The following MYO16 variants were observed in gnomAD, a reference collection of about 807,000 sequenced individuals.
MYO16 encodes unconventional myosin-XVI.
A neutral mutation model predicts 205.3 loss-of-function variants in MYO16; 94 were observed. That is an observed-to-expected ratio of 0.46 (90% CI 0.39 to 0.54). The LOEUF (loss-of-function observed/expected upper bound fraction) is 0.54, where lower values mean the gene tolerates loss of function less well. Among genes scored for constraint, MYO16 ranks in the 20% least tolerant of loss-of-function variants. The pLI is 0.00. For synonymous variants in MYO16, 988 were observed against 954.0 expected (o/e 1.04, Z -0.66); for missense variants, 2,315 against 2,387.5 (o/e 0.97, Z 0.63).
At chr13:108,749,749 A>G (rs1253065382) in intron 4 of MYO16, among the ~76,000 whole-genome samples, 2 of 152,222 alleles carry the variant, frequency 1.3e-5, no homozygotes, top group Non-Finnish European at 1.5e-5. Context: ...TAGTCTTACA[A>G]TACAACCCAG....
At chr13:109,197,876 A>AT (rs1880225109) in intron 34 of MYO16, among the ~76,000 whole-genome samples, 1 of 152,198 alleles carries the variant, frequency 6.6e-6, no homozygotes, top group African/African-American at 2.4e-5. Context: ...TAGGCATGAG[A>AT]TTTTGTTTAG....
intron 27 of MYO16, among the ~76,000 whole-genome samples, chr13:109,068,476 C>G (rs1378750292): frequency 6.6e-6 from 1 of 150,858 alleles, no homozygotes; most frequent in African/African-American, 2.4e-5. Context: ...TAATAATGGG[C>G]ATGGCTATAC....
chr13:108,886,014 G>C (rs1007884292), intron 13 of MYO16, among the ~76,000 whole-genome samples: 3 of 151,778 alleles, frequency 2.0e-5, no homozygotes, highest in African/African-American at 7.3e-5. Flanking sequence ...GGAGTCTTGA[G>C]TCTCGCTCTG....
intron 23 of MYO16, among the ~76,000 whole-genome samples, chr13:109,039,154 A>G (rs1292486279): frequency 2.6e-5 from 4 of 152,216 alleles, no homozygotes; most frequent in Admixed American, 2.6e-4. Context: ...GAGGCTGGGT[A>G]GGGACCTAGA....
chr13:109,061,484 T>C (rs1887591704), intron 27 of MYO16, among the ~76,000 whole-genome samples: 1 of 152,152 alleles, frequency 6.6e-6, no homozygotes, highest in Non-Finnish European at 1.5e-5. Context: ...TATTAATTAG[T>C]CTGATTTTAA....
At chr13:108,873,521 C>G (rs1417458228) in intron 12 of MYO16, among the ~76,000 whole-genome samples, 1 of 152,384 alleles carries the variant, frequency 6.6e-6, no homozygotes, top group East Asian at 1.9e-4. Context: ...CAGTGCTGAT[C>G]TGACACTAAC....
At chr13:108,981,608 C>T (rs1884449790) in intron 20 of MYO16, among the ~76,000 whole-genome samples, 1 of 152,228 alleles carries the variant, frequency 6.6e-6, no homozygotes, top group African/African-American at 2.4e-5. Context: ...GAAGATGAGA[C>T]AGACACTCGT....
At chr13:109,048,507 A>G (rs1487179877) in intron 24 of MYO16, 7 of 480,622 alleles carry the variant, frequency 1.5e-5, no homozygotes, top group Admixed American at 3.5e-5. Flanking sequence ...ATAATGTGAA[A>G]AACAGCTGTA....
chr13:108,795,795 A>G (rs1209211818), intron 6 of MYO16, among the ~76,000 whole-genome samples: 5 of 152,250 alleles, frequency 3.3e-5, no homozygotes, highest in African/African-American at 1.2e-4. Flanking sequence ...CACTATAAAT[A>G]AGCTAAATAT....
chr13:108,828,516 G>A (rs965232273), intron 9 of MYO16, among the ~76,000 whole-genome samples: 14 of 152,086 alleles, frequency 9.2e-5, no homozygotes, highest in Non-Finnish European at 1.5e-4. Context: ...ATTTCTGGGT[G>A]GGAACCAAAT....
chr13:108,993,406 A>G (rs949886674), intron 21 of MYO16, among the ~76,000 whole-genome samples: 3 of 152,162 alleles, frequency 2.0e-5, no homozygotes, highest in Non-Finnish European at 4.4e-5. Flanking sequence ...CTCATACTGT[A>G]TATGATTAAG....
At chr13:108,533,409 C>A in the MYO16 span, among the ~76,000 whole-genome samples, 1 of 152,172 alleles carries the variant, frequency 6.6e-6, no homozygotes, top group African/African-American at 2.4e-5. Flanking sequence ...GCCAGAATGA[C>A]CATCATATGA....
chr13:108,571,986 T>A, the MYO16 span, among the ~76,000 whole-genome samples: 1 of 151,662 alleles, frequency 6.6e-6, no homozygotes, highest in African/African-American at 2.4e-5. Context: ...AGAGGTGCAG[T>A]CACCCTCACT....
At chr13:108,958,856 A>G (rs370246651) in intron 17 of MYO16, among the ~76,000 whole-genome samples, 4 of 152,168 alleles carry the variant, frequency 2.6e-5, no homozygotes, top group East Asian at 1.9e-4. Flanking sequence ...ATTTACGGCC[A>G]ATTCCTCAAG....
upstream of MYO16, among the ~76,000 whole-genome samples, chr13:108,625,474 C>T (rs1035723664): frequency 1.3e-5 from 2 of 152,184 alleles, no homozygotes; most frequent in Non-Finnish European, 2.9e-5. Context: ...CCTCTGTAGG[C>T]TTCAGCCTCA....
chr13:108,774,841 T>C (rs7984738), intron 4 of MYO16, among the ~76,000 whole-genome samples: 2,711 of 152,318 alleles, frequency 0.018, 34 homozygotes, highest in South Asian at 0.034. Flanking sequence ...TCTTACATCA[T>C]GAGAAAGTAT....
At chr13:109,133,066 T>C (rs12428781) in intron 31 of MYO16, among the ~76,000 whole-genome samples, 2,735 of 152,328 alleles carry the variant, frequency 0.018, 41 homozygotes, top group South Asian at 0.03. Flanking sequence ...TGGTATTGCC[T>C]GAACCGCTCC....
intron 1 of MYO16, among the ~76,000 whole-genome samples, chr13:108,644,396 C>T (rs555530250): frequency 6.0e-5 from 9 of 150,814 alleles, no homozygotes; most frequent in African/African-American, 1.9e-4. Flanking sequence ...ATCTATCTAT[C>T]TATCTATCTA....
At chr13:109,199,633 G>A (rs9559514) in intron 34 of MYO16, among the ~76,000 whole-genome samples, 1 of 152,116 alleles carries the variant, frequency 6.6e-6, no homozygotes, top group South Asian at 2.1e-4. Context: ...AAACAAATCA[G>A]GATAAATTAT....
Sources: allele counts gnomAD v4.1 joint callset (sites outside exome capture counted in the v4.1 genomes callset), GRCh38; gene constraint gnomAD v4.1.1; transcripts MANE v1.5; gene names NCBI Gene and HGNC (gene_info 2026-07-23, HGNC 2026-07-21).